TAF3: variants seen among roughly 807,000 people sequenced by gnomAD.
TAF3 encodes TATA-box binding protein associated factor 3.
In TAF3, 7 loss-of-function variants were observed where a neutral mutation model predicts 80.6. The ratio of observed to expected loss-of-function variants is 0.09; its 90% confidence interval spans 0.05 to 0.16. The LOEUF is 0.16. Ranked by LOEUF, TAF3 falls within the 10% of genes least tolerant of loss-of-function variation. TAF3 has a pLI of 1.00. For missense variants in TAF3, 921 were observed against 1,140.2 expected (o/e 0.81, Z 2.77); for synonymous variants, 444 against 446.1 (o/e 1.00, Z 0.06).
intron 2 of TAF3, among the ~76,000 whole-genome samples, chr10:7,874,828 T>C (rs1162462924): frequency 6.6e-6 from 1 of 152,126 alleles, no homozygotes; most frequent in Non-Finnish European, 1.5e-5. Context: ...CTTAGCTGTA[T>C]GTATCATGTA....
chr10:7,851,518 T>A (rs1404030509), intron 2 of TAF3, among the ~76,000 whole-genome samples: 3 of 151,952 alleles, frequency 2.0e-5, no homozygotes, highest in East Asian at 1.9e-4. Flanking sequence ...CTTTTTTTTT[T>A]ATCATAGGAA....
At chr10:7,820,909 C>T (rs1836683944) in intron 1 of TAF3, among the ~76,000 whole-genome samples, 1 of 152,254 alleles carries the variant, frequency 6.6e-6, no homozygotes, top group Non-Finnish European at 1.5e-5. Flanking sequence ...CTGGCCTCCG[C>T]TGCAGTGGTC....
intron 2 of TAF3, among the ~76,000 whole-genome samples, chr10:7,902,293 CAT>C (rs1837565527): frequency 1.3e-5 from 2 of 151,830 alleles, no homozygotes; most frequent in Non-Finnish European, 2.9e-5. Context: ...CCTGGTGGCA[CAT>C]GTCTGTAATC....
chr10:7,927,960 T>G (rs1252604861), intron 2 of TAF3, among the ~76,000 whole-genome samples: 1 of 115,598 alleles, frequency 8.7e-6, no homozygotes, highest in Admixed American at 1.1e-4. Context: ...GACATTGTTT[T>G]TTTGCTCCCC....
At chr10:7,938,261 G>A (rs975077629) in intron 2 of TAF3, among the ~76,000 whole-genome samples, 2 of 152,130 alleles carry the variant, frequency 1.3e-5, no homozygotes, top group Admixed American at 1.3e-4. Flanking sequence ...GGGATGGGGA[G>A]GTGTGTGGGG....
intron 2 of TAF3, among the ~76,000 whole-genome samples, chr10:7,949,834 T>C (rs1400642087): frequency 6.6e-6 from 1 of 152,218 alleles, no homozygotes; most frequent in Non-Finnish European, 1.5e-5. Flanking sequence ...AGGGTTGCAG[T>C]GGCCAGTCAT....
intron 4 of TAF3, among the ~76,000 whole-genome samples, chr10:7,979,240 A>G (rs1387742221): frequency 6.6e-6 from 1 of 150,586 alleles, no homozygotes; most frequent in Non-Finnish European, 1.5e-5. Flanking sequence ...GCTACTTGGG[A>G]GGCTGAGGCA....
At chr10:7,983,097 A>AC (rs1372275112) in intron 4 of TAF3, among the ~76,000 whole-genome samples, 1 of 152,060 alleles carries the variant, frequency 6.6e-6, no homozygotes, top group Admixed American at 6.5e-5. Flanking sequence ...GGCTCTGCCC[A>AC]CCCTCCTCTT....
At chr10:7,873,525 G>C (rs1403502873) in intron 2 of TAF3, among the ~76,000 whole-genome samples, 1 of 151,464 alleles carries the variant, frequency 6.6e-6, no homozygotes, top group South Asian at 2.1e-4. Context: ...TGCAAATTTA[G>C]AATAGTTTAG....
rs71487533 is a variant in TAF3 at position 7,863,646 on chromosome 10, T to C, written c.409+39086T>C. 3.5e-3 allele frequency among the ~76,000 whole-genome samples: 270 copies of C among 76,810 alleles called. 40 individuals carry two copies. Among genetic ancestry groups the C allele is most frequent in the African/African-American group, 7.3e-3 (161 of 22,128 alleles). The allele number at this position is 76,810 out of a possible 152,430, so 50.4% of individuals were successfully genotyped here. On this transcript the variant is annotated intron_variant, in intron 2 of 6. Coordinates refer to ENST00000344293, the MANE Select transcript of TAF3 (RefSeq NM_031923.4). ...AAAAAAATATATATATATATATATA[T>C]ACACACACACATATATATATACACA...
chr10:7,856,074 C>T (rs1837076436), intron 2 of TAF3, among the ~76,000 whole-genome samples: 1 of 152,148 alleles, frequency 6.6e-6, no homozygotes, highest in Non-Finnish European at 1.5e-5. Context: ...GCCACAGAAG[C>T]AGCATTCCAG....
At chr10:7,984,621 G>A (rs1161722885) in intron 4 of TAF3, among the ~76,000 whole-genome samples, 1 of 152,100 alleles carries the variant, frequency 6.6e-6, no homozygotes. Context: ...AGTTCCCTTA[G>A]GTTTTAAAAT....
At chr10:8,011,977 G>A (rs1832060370) in intron 5 of TAF3, among the ~76,000 whole-genome samples, 1 of 152,166 alleles carries the variant, frequency 6.6e-6, no homozygotes, top group East Asian at 1.9e-4. Flanking sequence ...CAGGAGTTGA[G>A]ACTAGTCTGG....
At chr10:7,951,409 T>A (rs1838080811) in intron 2 of TAF3, among the ~76,000 whole-genome samples, 1 of 152,228 alleles carries the variant, frequency 6.6e-6, no homozygotes, top group Non-Finnish European at 1.5e-5. Flanking sequence ...CTATGCCTGG[T>A]GCTTTGGCTG....
At position 7,835,584 on chromosome 10, in the gene TAF3, G is replaced by T. The variant is rs1836843885; in HGVS notation, c.409+11024G>T. On this transcript the variant is annotated intron_variant, in intron 2 of 6. Coordinates refer to ENST00000344293, the MANE Select transcript of TAF3 (RefSeq NM_031923.4). ...CCTGGCAGAGAGCAGCCAGGGTCAA[G>T]TCTGAGAGCTCCTGGGCTCAACTTC... is the stretch of plus-strand genomic sequence containing the variant. Among the ~76,000 whole-genome samples, 3 of 152,196 alleles carry T rather than the reference G, an allele frequency of 2.0e-5. No individual in the cohort carries two copies. The South Asian group carries it at 6.2e-4, about 32-fold the overall frequency.
chr10:7,861,158 G>T (rs778880179), intron 2 of TAF3, among the ~76,000 whole-genome samples: 24 of 152,106 alleles, frequency 1.6e-4, no homozygotes, highest in Non-Finnish European at 2.8e-4. Context: ...TAGAGATTGG[G>T]TTTCACTGTG....
At chr10:7,858,892 G>A (rs1489978414) in intron 2 of TAF3, among the ~76,000 whole-genome samples, 14 of 152,136 alleles carry the variant, frequency 9.2e-5, no homozygotes, top group Admixed American at 8.5e-4. Flanking sequence ...ACATGTGAAT[G>A]TATCCTCCTC....
chr10:7,965,982 A>G (rs1479344838), intron 3 of TAF3, among the ~76,000 whole-genome samples: 2 of 152,194 alleles, frequency 1.3e-5, no homozygotes, highest in Non-Finnish European at 2.9e-5. Context: ...CTAATCACAG[A>G]CTATAAACTC....
chr10:7,908,247 G>C (rs886398725), intron 2 of TAF3, among the ~76,000 whole-genome samples: 1 of 152,132 alleles, frequency 6.6e-6, no homozygotes, highest in African/African-American at 2.4e-5. Context: ...CTAGTGGTGG[G>C]GATCTTTGAA....
Sources: gnomAD v4.1 joint callset for allele counts (sites outside exome capture counted in the v4.1 genomes callset) on GRCh38, gnomAD v4.1.1 for gene constraint, MANE v1.5 for transcripts, NCBI Gene and HGNC (gene_info 2026-07-23, HGNC 2026-07-21) for gene names.